Variants in SLC24A3 observed in about 807,000 individuals in gnomAD.
SLC24A3 encodes sodium/potassium/calcium exchanger 3.
A neutral mutation model predicts 75.8 loss-of-function variants in SLC24A3; 28 were observed. The ratio of observed to expected loss-of-function variants is 0.37; its 90% CI spans 0.27 to 0.51. The LOEUF (loss-of-function observed/expected upper bound fraction) is 0.51. SLC24A3 is among the 20% of genes least tolerant of loss of function. The pLI is 0.94. For synonymous variants in SLC24A3, 372 were observed against 334.1 expected (o/e 1.11, Z -1.24); for missense variants, 663 against 847.8 (o/e 0.78, Z 2.71).
At chr20:19,337,666 G>A (rs1308873212) in intron 2 of SLC24A3, among the ~76,000 whole-genome samples, 5 of 152,150 alleles carry the variant, frequency 3.3e-5, no homozygotes, top group Middle Eastern at 3.4e-3. Context: ...AACAAACTAC[G>A]CTAAAACATG....
chr20:19,561,985 G>C (rs114354892), intron 3 of SLC24A3, among the ~76,000 whole-genome samples: 421 of 152,266 alleles, frequency 2.8e-3, no homozygotes, highest in African/African-American at 9.5e-3. Flanking sequence ...GTGCAGAAGA[G>C]AACTGCCAAA....
chr20:19,523,499 C>A (rs536673941), intron 3 of SLC24A3, among the ~76,000 whole-genome samples: 1 of 152,300 alleles, frequency 6.6e-6, no homozygotes, highest in South Asian at 2.1e-4. Flanking sequence ...TAAATCACTG[C>A]CTCACCCCCT....
chr20:19,253,240 G>A (rs970453507), intron 1 of SLC24A3, among the ~76,000 whole-genome samples: 1 of 152,186 alleles, frequency 6.6e-6, no homozygotes, highest in East Asian at 1.9e-4. Context: ...GCACATCCTG[G>A]AAATTTCAAC....
intron 7 of SLC24A3, among the ~76,000 whole-genome samples, chr20:19,662,723 G>A (rs1004881508): frequency 6.6e-6 from 1 of 152,220 alleles, no homozygotes; most frequent in Non-Finnish European, 1.5e-5. Flanking sequence ...AGCTAGTAGA[G>A]CATAAACTAC....
At chr20:19,254,525 G>C (rs1982752710) in intron 1 of SLC24A3, among the ~76,000 whole-genome samples, 1 of 152,210 alleles carries the variant, frequency 6.6e-6, no homozygotes, top group South Asian at 2.1e-4. Flanking sequence ...AAACTCAGCA[G>C]CTTTCCTTCC....
rs9974035 is a variant in SLC24A3, at chr20:19,230,513, C to T, written c.142+17529C>T. On this transcript the variant is annotated intron_variant, in intron 1 of 16. Transcript: ENST00000328041. ...TGGCTCTTTCCATCGCACCTCTTTT[C>T]TATTAATCTCCAGAAGGCTCCATAC... is the stretch of plus-strand genomic sequence containing the variant. 1.8e-3 allele frequency among the ~76,000 whole-genome samples: 270 copies of T among 152,242 alleles called. 2 individuals carry two copies. The highest frequency in any genetic ancestry group is 6.2e-3 in the African/African-American group (258 of 41,530).
At chr20:19,398,291 G>A (rs898706720) in intron 2 of SLC24A3, among the ~76,000 whole-genome samples, 1 of 152,080 alleles carries the variant, frequency 6.6e-6, no homozygotes, top group South Asian at 2.1e-4. Flanking sequence ...TAGTAATAAT[G>A]AGTCTTCCAA....
intron 6 of SLC24A3, among the ~76,000 whole-genome samples, chr20:19,634,770 G>A (rs533331783): frequency 3.9e-5 from 6 of 151,994 alleles, no homozygotes; most frequent in Admixed American, 2.6e-4. Flanking sequence ...TGGAAGCCGG[G>A]GGGGACACTT....
intron 1 of SLC24A3, among the ~76,000 whole-genome samples, chr20:19,242,836 T>G (rs1009130896): frequency 2.0e-5 from 3 of 152,204 alleles, no homozygotes; most frequent in African/African-American, 7.2e-5. Context: ...TTTGCATGTA[T>G]AGATAATTAT....
intron 1 of SLC24A3, among the ~76,000 whole-genome samples, chr20:19,234,187 A>G (rs986397892): frequency 1.3e-5 from 2 of 152,210 alleles, no homozygotes; most frequent in Non-Finnish European, 2.9e-5. Context: ...TCAAAGTGAG[A>G]GCCTTGGAAC....
chr20:19,227,319 G>GT (rs1981894383), intron 1 of SLC24A3, among the ~76,000 whole-genome samples: 1 of 148,878 alleles, frequency 6.7e-6, no homozygotes, highest in Non-Finnish European at 1.5e-5. Context: ...AGTTAATAGT[G>GT]TTTTTTCTTA....
intron 12 of SLC24A3, among the ~76,000 whole-genome samples, chr20:19,690,045 A>AG (rs1261598711): frequency 6.6e-6 from 1 of 151,714 alleles, no homozygotes; most frequent in Non-Finnish European, 1.5e-5. Context: ...AAAAAAAAAA[A>AG]AAAAAAGGAA....
At position 19,654,076 on chromosome 20, in the gene SLC24A3, C is replaced by T; in HGVS notation, c.627C>T (p.Ser209=). 6.2e-7 allele frequency: 1 copy of T among 1,613,534 alleles called. No individual in the cohort carries two copies. Among genetic ancestry groups the T allele is most frequent in the Non-Finnish European group, 8.5e-7 (1 of 1,179,542 alleles). ...TTGTCCTGCAGGTTGTGGCTCTTTC[C>T]TCCTGGTGCCTGCTGAGGGATTCTA... ...GLFAGQVVAL[S]SWCLLRDSIY... Residue 209 remains serine, a synonymous_variant, in exon 7 of 17, where the codon TCC becomes TCT. Coordinates refer to ENST00000328041, the MANE Select transcript of SLC24A3 (RefSeq NM_020689.4).
chr20:19,512,501 G>A (rs567202390), intron 2 of SLC24A3, among the ~76,000 whole-genome samples: 1 of 152,358 alleles, frequency 6.6e-6, no homozygotes, highest in South Asian at 2.1e-4. Context: ...CTCCACCAGA[G>A]AACCAGGCCC....
intron 3 of SLC24A3, among the ~76,000 whole-genome samples, chr20:19,556,283 G>A (rs891121486): frequency 3.3e-5 from 5 of 152,092 alleles, no homozygotes; most frequent in African/African-American, 1.2e-4. Flanking sequence ...CCTTCTCTAT[G>A]TGCCTTAGGC....
At chr20:19,240,773 A>G (rs1202797595) in intron 1 of SLC24A3, among the ~76,000 whole-genome samples, 4 of 152,138 alleles carry the variant, frequency 2.6e-5, no homozygotes. Flanking sequence ...AGTTGATCTT[A>G]TCTTGGGTCA....
intron 2 of SLC24A3, among the ~76,000 whole-genome samples, chr20:19,404,648 C>T (rs958860294): frequency 5.9e-5 from 9 of 152,162 alleles, no homozygotes; most frequent in Non-Finnish European, 1.2e-4. Flanking sequence ...TGTGATACAG[C>T]ATGGTTGCTG....
intron 10 of SLC24A3, among the ~76,000 whole-genome samples, chr20:19,683,370 C>T (rs577633300): frequency 1.3e-5 from 2 of 152,292 alleles, no homozygotes; most frequent in South Asian, 2.1e-4. Context: ...CAGCCAAGTA[C>T]CCTTGAACTG....
At chr20:19,416,160 C>T (rs183224560) in intron 2 of SLC24A3, among the ~76,000 whole-genome samples, 7 of 152,324 alleles carry the variant, frequency 4.6e-5, no homozygotes, top group East Asian at 1.9e-4. Context: ...TCATCCCATC[C>T]CCCACCACCT....
Sources: gnomAD v4.1 joint callset for allele counts (sites outside exome capture counted in the v4.1 genomes callset) on GRCh38, gnomAD v4.1.1 for gene constraint, MANE v1.5 for transcripts, NCBI Gene and HGNC (gene_info 2026-07-23, HGNC 2026-07-21) for gene names.